RHOBTB2: variants seen among roughly 807,000 people sequenced by gnomAD.
RHOBTB2 encodes the protein rho-related BTB domain-containing protein 2.
RHOBTB2 carries 39 observed loss-of-function variants against 66.5 expected under a neutral mutation model. The observed-to-expected ratio is 0.59, with a 90% CI of 0.45 to 0.77. The LOEUF is 0.77. RHOBTB2 is among the 30% of genes least tolerant of loss of function. The probability of loss-of-function intolerance (pLI) is 0.00; values close to 1 mark genes in which losing one functional copy is unlikely to be tolerated. For synonymous variants in RHOBTB2, 390 were observed against 395.0 expected (o/e 0.99, Z 0.15); for missense variants, 755 against 999.1 (o/e 0.76, Z 3.29).
chr8:22,998,297 A>G (rs187324300), upstream of RHOBTB2, among the ~76,000 whole-genome samples: 5 of 152,248 alleles, frequency 3.3e-5, no homozygotes, highest in East Asian at 9.7e-4. Flanking sequence ...ATTAGAGTGG[A>G]TTTGCATTTT....
chr8:22,957,148 G>A, the RHOBTB2 span, among the ~76,000 whole-genome samples: 1 of 151,990 alleles, frequency 6.6e-6, no homozygotes, highest in East Asian at 1.9e-4. Flanking sequence ...TCACAATTAG[G>A]TTGAGGTGAT....
chr8:22,970,293 C>T, the RHOBTB2 span, among the ~76,000 whole-genome samples: 1 of 152,160 alleles, frequency 6.6e-6, no homozygotes, highest in African/African-American at 2.4e-5. Context: ...ATGAACACGG[C>T]ACCAAGCCTC....
the RHOBTB2 span, among the ~76,000 whole-genome samples, chr8:22,953,161 T>C: frequency 2.6e-5 from 4 of 152,114 alleles, no homozygotes; most frequent in African/African-American, 9.7e-5. Context: ...ACGTGCTCAT[T>C]TGAGGCACTT....
intron 9 of RHOBTB2, 109 bp downstream of exon 9, chr8:23,015,852 G>C (rs1055242526): frequency 2.6e-5 from 21 of 804,032 alleles, no homozygotes; most frequent in South Asian, 2.2e-4. Flanking sequence ...TTGACCTTGG[G>C]GCTGGGAGCA....
chr8:23,012,176 C>T (rs960221569), intron 7 of RHOBTB2, among the ~76,000 whole-genome samples: 1 of 152,164 alleles, frequency 6.6e-6, no homozygotes, highest in Admixed American at 6.5e-5. Context: ...GGAATAATTC[C>T]ACTTTTAAAA....
chr8:23,009,041 G>C (rs1291855531), intron 6 of RHOBTB2, among the ~76,000 whole-genome samples: 1 of 152,068 alleles, frequency 6.6e-6, no homozygotes, highest in East Asian at 1.9e-4. Context: ...ACAGAAAATA[G>C]GTGTAGGGGG....
the RHOBTB2 span, among the ~76,000 whole-genome samples, chr8:22,974,071 G>T: frequency 1.3e-5 from 2 of 152,172 alleles, 1 homozygote; most frequent in Admixed American, 1.3e-4. Flanking sequence ...GATGCTCTGA[G>T]GGGTGACCTT....
At chr8:23,011,382 C>A (rs1811142813) in intron 7 of RHOBTB2, among the ~76,000 whole-genome samples, 1 of 152,162 alleles carries the variant, frequency 6.6e-6, no homozygotes, top group Non-Finnish European at 1.5e-5. Context: ...TGGTTCTCCT[C>A]CTTCTTCCTT....
chr8:23,008,099 C>T lies in RHOBTB2; in HGVS notation c.1608C>T (p.Ser536=), dbSNP rs1233806387. ...AAMFGGPFVE[S]STREVVFPYT... is the part of the protein sequence containing the mutation. ...TGTTTGGGGGGCCATTTGTGGAGAGCTCCACCCGGGAGGTAAGGCTGAGGA... is the reference window on the plus strand; with the variant it reads ...TGTTTGGGGGGCCATTTGTGGAGAGTTCCACCCGGGAGGTAAGGCTGAGGA... The change falls in exon 6 of 10, where the codon AGC becomes AGT. Residue 536 remains serine (S), a synonymous_variant. Transcript: ENST00000251822. 6.2e-7 allele frequency: 1 copy of T among 1,610,738 alleles called. No individual in the cohort carries two copies. The highest frequency in any genetic ancestry group is 8.5e-7 in the Non-Finnish European group (1 of 1,178,440).
chr8:22,983,507 CAAAAG>C (rs987027156), upstream of RHOBTB2, among the ~76,000 whole-genome samples: 13 of 145,932 alleles, frequency 8.9e-5, no homozygotes, highest in Admixed American at 3.4e-4. Flanking sequence ...AAAAAAGAAA[CAAAAG>C]AAACGAAACT....
intron 2 of RHOBTB2, among the ~76,000 whole-genome samples, chr8:22,993,091 T>C (rs1168963085): frequency 2.0e-5 from 3 of 152,246 alleles, no homozygotes; most frequent in Non-Finnish European, 4.4e-5. Flanking sequence ...GGGCTTCATT[T>C]TTCTGGGAGA....
the RHOBTB2 span, among the ~76,000 whole-genome samples, chr8:22,972,037 G>A: frequency 6.6e-6 from 1 of 152,262 alleles, no homozygotes; most frequent in East Asian, 1.9e-4. Flanking sequence ...CTGCAAATCT[G>A]CTCTTCCTCT....
In RHOBTB2 at chr8:23,006,982, C is replaced by A; in HGVS notation, c.737C>A (p.Pro246His). The change falls in exon 5 of 10, where the codon CCC (proline) becomes CAC (histidine). Residue 246 changes from proline (P) to histidine (H), a missense_variant. Pro to His is a moderately conservative substitution (Grantham distance 77, BLOSUM62 -2). Around this residue, in one of 7 missense-constraint regions of RHOBTB2, gnomAD observed 247 missense variants for 238.9 expected, o/e 1.03. Coordinates refer to ENST00000251822, the MANE Select transcript of RHOBTB2 (RefSeq NM_015178.3). The surrounding 1 kb of genome is among the most constrained non-coding windows in gnomAD (Gnocchi z 6.1). ...PKPPPPIIVV[P>H]DPPSSSEECP... is the part of the protein sequence containing the mutation. ...CCACCGCCCCCGATCATCGTGGTGC[C>A]CGACCCTCCCTCCAGCAGCGAGGAG... The A allele has an allele frequency of 6.2e-7, 1 of 1,610,632 alleles. No homozygotes were observed. The highest frequency in any genetic ancestry group is 8.5e-7 in the Non-Finnish European group (1 of 1,179,906).
chr8:22,979,680 A>G, the RHOBTB2 span, among the ~76,000 whole-genome samples: 1 of 149,942 alleles, frequency 6.7e-6, no homozygotes, highest in Non-Finnish European at 1.5e-5. Flanking sequence ...TCTTGAGCCA[A>G]ATTATGGGAA....
the RHOBTB2 span, among the ~76,000 whole-genome samples, chr8:22,970,994 G>A: frequency 6.6e-6 from 1 of 151,988 alleles, no homozygotes; most frequent in Admixed American, 6.6e-5. Context: ...TGTGTTTCAT[G>A]GTCCTTTCTA....
chr8:23,005,516 TG>T, intron 3 of RHOBTB2, 41 bp downstream of exon 3: 1 of 1,358,468 alleles, frequency 7.4e-7, no homozygotes, highest in Non-Finnish European at 1.1e-6. Flanking sequence ...ACCAACAGGG[TG>T]GGTTTTTCCC....
chr8:22,986,154 C>T (rs1209460234), upstream of RHOBTB2, among the ~76,000 whole-genome samples: 1 of 151,536 alleles, frequency 6.6e-6, no homozygotes, highest in Admixed American at 6.6e-5. Context: ...CTCTCTCTCT[C>T]TCTCTCTCTC....
intron 6 of RHOBTB2, among the ~76,000 whole-genome samples, chr8:23,009,895 A>G (rs1450779729): frequency 6.6e-6 from 1 of 152,210 alleles, no homozygotes; most frequent in Non-Finnish European, 1.5e-5. Context: ...TTCCCAGCAC[A>G]GCCTGGAGAG....
chr8:23,003,591 G>T (rs1341223178), intron 1 of RHOBTB2, among the ~76,000 whole-genome samples: 1 of 152,222 alleles, frequency 6.6e-6, no homozygotes, highest in Non-Finnish European at 1.5e-5. Context: ...GCAGGGTGCT[G>T]GGAGGACAGC....
Sources: gnomAD v4.1 joint callset for allele counts (sites outside exome capture counted in the v4.1 genomes callset) on GRCh38, gnomAD v4.1.1 for gene constraint, gnomAD v4.1.1 regional missense constraint, Gnocchi (gnomAD v3.1) non-coding constraint, MANE v1.5 for transcripts, NCBI Gene and HGNC (gene_info 2026-07-23, HGNC 2026-07-21) for gene names.